The following CREB3L2 variants were observed in gnomAD, a reference collection of about 807,000 sequenced individuals.
CREB3L2 encodes cyclic AMP-responsive element-binding protein 3-like protein 2.
In CREB3L2, 23 loss-of-function variants were observed where a neutral mutation model predicts 57.2. That is an observed-to-expected ratio of 0.40 (90% CI 0.29 to 0.57). The LOEUF (loss-of-function observed/expected upper bound fraction) is 0.57. Among genes scored for constraint, CREB3L2 ranks in the 20% least tolerant of loss-of-function variants. CREB3L2 has a pLI of 0.42. For synonymous variants in CREB3L2, 268 were observed against 265.1 expected (o/e 1.01, Z -0.11); for missense variants, 628 against 634.7 (o/e 0.99, Z 0.11).
rs1799166989 is a variant in CREB3L2 at position 137,876,853 on chromosome 7, C to T, written c.*3623G>A. 1 of 232,222 alleles carries T rather than the reference C, an allele frequency of 4.3e-6. No individual in the cohort carries two copies. The highest frequency in any genetic ancestry group is 6.1e-5 in the East Asian group (1 of 16,456). The allele number at this position is 232,222 out of a possible 1,614,324, so 14.4% of individuals were successfully genotyped here. ...GAAGGTCTTCTAGTGCATCTCTGCC[C>T]TCTCCGTGTTGGCAAGGTTGGCATG... On this transcript the variant is annotated 3_prime_UTR_variant, in exon 12 of 12. Coordinates refer to ENST00000330387, the MANE Select transcript of CREB3L2 (RefSeq NM_194071.4).
At chr7:137,953,493 T>C (rs1247799108) in intron 1 of CREB3L2, 1 of 1,289,028 alleles carries the variant, frequency 7.8e-7, no homozygotes, top group Non-Finnish European at 1.0e-6. Flanking sequence ...GCGTCAACCA[T>C]CCCCAACACA....
At position 137,879,851 on chromosome 7, in the gene CREB3L2, A is replaced by C; in HGVS notation, c.*625T>G. On this transcript the variant is annotated 3_prime_UTR_variant, in exon 12 of 12. Coordinates refer to ENST00000330387, the MANE Select transcript of CREB3L2 (RefSeq NM_194071.4). ...GACAAGATGGGGCAGGTTTGCCTGG[A>C]GTAGAAAAGCCTGATCCCCTCAGGC... 1 of 234,874 alleles carries C rather than the reference A, an allele frequency of 4.3e-6. No individual in the cohort carries two copies. The highest frequency in any genetic ancestry group is 6.1e-5 in the East Asian group (1 of 16,522). The allele number at this position is 234,874 out of a possible 1,614,324, so 14.5% of individuals were successfully genotyped here. A position where few individuals can be genotyped will look rare whatever the true frequency, so the allele number is the denominator to read the frequency against.
intron 1 of CREB3L2, chr7:137,953,373 C>T (rs1801139824): frequency 3.9e-6 from 3 of 775,410 alleles, no homozygotes; most frequent in African/African-American, 3.6e-5. Context: ...ACTGCCAGAG[C>T]CTTCTAACTT....
rs1801003512 is a variant in CREB3L2, at chr7:137,946,924, TTATATATATAGTTA to T, written c.103-18572_103-18559del. Reference sequence around the variant, plus strand: ...GTTATATATATAGTTATATATATAGTTATATATATAGTTATATATATAGTTATATATATATAGTT... The same window carrying T: ...GTTATATATATAGTTATATATATAGTTATATATAGTTATATATATATAGTT... On this transcript the variant is annotated intron_variant, in intron 1 of 11. Coordinates refer to ENST00000330387, the MANE Select transcript of CREB3L2 (RefSeq NM_194071.4). Among the ~76,000 whole-genome samples, 3 of 20,584 alleles carry T rather than the reference TTATATATATAGTTA, an allele frequency of 1.5e-4. 1 individual carries two copies. The highest frequency in any genetic ancestry group is 5.0e-4 in the African/African-American group (2 of 3,994). 13.5% of individuals were successfully genotyped at this position (20,584 alleles called of 152,430 possible).
At chr7:137,940,265 C>T (rs191141459) in intron 1 of CREB3L2, among the ~76,000 whole-genome samples, 3 of 152,304 alleles carry the variant, frequency 2.0e-5, no homozygotes, top group Admixed American at 6.5e-5. Context: ...GTCTTTACCT[C>T]ACCAGGGGAC....
intron 5 of CREB3L2, 133 bp from the exon 6 acceptor site, chr7:137,905,981 C>T (rs1242655227): frequency 2.5e-6 from 2 of 812,636 alleles, no homozygotes; most frequent in Non-Finnish European, 3.8e-6. Flanking sequence ...GCCCCATCTG[C>T]TTTGGGTGAC....
At chr7:137,978,281 A>T (rs1016151577) in intron 1 of CREB3L2, among the ~76,000 whole-genome samples, 1 of 152,190 alleles carries the variant, frequency 6.6e-6, no homozygotes, top group Non-Finnish European at 1.5e-5. Flanking sequence ...GTCTATATAT[A>T]AAGCAAGAGA....
Position 137,879,985 on chromosome 7 carries a change from C to T in CREB3L2, c.*491G>A, listed in dbSNP as rs960756163. On this transcript the variant is annotated 3_prime_UTR_variant, in exon 12 of 12. Coordinates refer to ENST00000330387, the MANE Select transcript of CREB3L2 (RefSeq NM_194071.4). ...CCCAGGGGGCAGAGTGGGCGGAGGG[C>T]TGCTGTCGGGGGTGTTCACACCAGA... 8.4e-6 allele frequency: 2 copies of T among 239,444 alleles called. No homozygotes were observed. Among genetic ancestry groups the T allele is most frequent in the Non-Finnish European group, 1.6e-5 (2 of 121,758 alleles). The allele number at this position is 239,444 out of a possible 1,614,324, so 14.8% of individuals were successfully genotyped here.
In CREB3L2 at chr7:137,880,492, A is replaced by G. The variant is rs1243685230; in HGVS notation, c.1547T>C (p.Val516Ala). The change falls in exon 12 of 12, where the codon GTG (valine) becomes GCG (alanine). Residue 516 changes from valine (V) to alanine (A), a missense_variant. Physicochemically the swap from Val to Ala is moderately conservative, Grantham distance 64. Coordinates refer to ENST00000330387, the MANE Select transcript of CREB3L2 (RefSeq NM_194071.4). The surrounding 1 kb of genome is among the most constrained non-coding windows in gnomAD (Gnocchi z 4.0). ...GCAGCCTCTTTAGAAAGTGGTGTTC[A>G]CTCTTCTGTCGAGTTCTACAACTTT... Reference protein sequence around the residue: ...TLKVVELDRRVNTTF With the variant: ...TLKVVELDRRANTTF 6.2e-7 allele frequency: 1 copy of G among 1,613,262 alleles called. No individual in the cohort carries two copies. The highest frequency in any genetic ancestry group is 8.5e-7 in the Non-Finnish European group (1 of 1,179,624).
At chr7:137,970,234 A>ATTG (rs1284893760) in intron 1 of CREB3L2, among the ~76,000 whole-genome samples, 1 of 152,254 alleles carries the variant, frequency 6.6e-6, no homozygotes, top group Non-Finnish European at 1.5e-5. Flanking sequence ...TATTATTATT[A>ATTG]TTGATATAAG....
intron 8 of CREB3L2, among the ~76,000 whole-genome samples, chr7:137,888,612 C>A (rs1443101129): frequency 6.6e-6 from 1 of 152,124 alleles, no homozygotes; most frequent in Admixed American, 6.6e-5. Flanking sequence ...TCTTCAAGTC[C>A]TTGGGCAAAT....
chr7:137,891,661 C>T (rs548416257), intron 8 of CREB3L2, among the ~76,000 whole-genome samples: 6 of 152,108 alleles, frequency 3.9e-5, no homozygotes, highest in South Asian at 2.1e-4. Context: ...CTGCAACCTC[C>T]GCCTCCCAGG....
intron 1 of CREB3L2, among the ~76,000 whole-genome samples, chr7:137,967,858 C>G (rs920798570): frequency 6.6e-6 from 1 of 152,216 alleles, no homozygotes; most frequent in Admixed American, 6.5e-5. Context: ...GATGCCCCAT[C>G]CACTTCCTGG....
At chr7:137,989,676 T>A (rs1427102499) in intron 1 of CREB3L2, among the ~76,000 whole-genome samples, 1 of 152,058 alleles carries the variant, frequency 6.6e-6, no homozygotes, top group Non-Finnish European at 1.5e-5. Context: ...GACCCAAGTC[T>A]CCAAATGCCC....
chr7:137,891,503 GA>G (rs1043322508), intron 8 of CREB3L2, among the ~76,000 whole-genome samples: 12 of 146,776 alleles, frequency 8.2e-5, no homozygotes, highest in East Asian at 2.0e-4. Context: ...CCAGGAGCAG[GA>G]AAAAAAAAAG....
intron 7 of CREB3L2, among the ~76,000 whole-genome samples, chr7:137,902,255 A>C (rs1395069922): frequency 1.3e-5 from 2 of 151,420 alleles, no homozygotes; most frequent in Non-Finnish European, 2.9e-5. Flanking sequence ...AAAGATGAAT[A>C]GTGACAGTAC....
At chr7:137,949,862 A>G (rs73456358) in intron 1 of CREB3L2, among the ~76,000 whole-genome samples, 4,557 of 152,278 alleles carry the variant, frequency 0.03, 196 homozygotes, top group African/African-American at 0.1. Context: ...CTCCAGGCCG[A>G]GTTGCTGGGA....
At chr7:137,989,096 A>AT (rs1471765136) in intron 1 of CREB3L2, among the ~76,000 whole-genome samples, 2 of 152,238 alleles carry the variant, frequency 1.3e-5, no homozygotes. Context: ...GAGGACTGAT[A>AT]TTAATCTTGT....
intron 2 of CREB3L2, 93 bp downstream of exon 2, chr7:137,928,057 G>A (rs1800515628): frequency 1.0e-6 from 1 of 970,866 alleles, no homozygotes. Context: ...TAAGGGTGCT[G>A]ACACCCTCTT....
Sources: gnomAD v4.1 joint callset for allele counts (sites outside exome capture counted in the v4.1 genomes callset) on GRCh38, gnomAD v4.1.1 for gene constraint, Gnocchi (gnomAD v3.1) non-coding constraint, MANE v1.5 for transcripts, NCBI Gene and HGNC (gene_info 2026-07-23, HGNC 2026-07-21) for gene names.